The following MAP3K13 variants were observed in gnomAD, a reference collection of about 807,000 sequenced individuals.
MAP3K13 encodes mitogen-activated protein kinase kinase kinase 13, also known as leucine zipper-bearing kinase.
A neutral mutation model predicts 104.0 loss-of-function variants in MAP3K13; 52 were observed. The ratio of observed to expected loss-of-function variants is 0.50; its 90% CI spans 0.40 to 0.63. MAP3K13 has a LOEUF of 0.63. MAP3K13 is among the 20% of genes least tolerant of loss of function. The pLI is 0.00. For missense variants in MAP3K13, 914 were observed against 1,218.5 expected (o/e 0.75, Z 3.72); for synonymous variants, 394 against 442.2 (o/e 0.89, Z 1.37).
intron 11 of MAP3K13, among the ~76,000 whole-genome samples, chr3:185,475,695 AC>A (rs1718083053): frequency 6.6e-6 from 1 of 152,150 alleles, no homozygotes. Flanking sequence ...TACTAAAAAT[AC>A]AAAAATTAGC....
At chr3:185,330,046 A>ATTTTTTTTTTTTTTTTTTTT (rs548813356) in intron 2 of MAP3K13, among the ~76,000 whole-genome samples, 2 of 98,276 alleles carry the variant, frequency 2.0e-5, no homozygotes, top group Non-Finnish European at 3.8e-5. Context: ...TGCCTGGCTA[A>ATTTTTTTTTTTTTTTTTTTT]TTTTTTTTTT....
At chr3:185,384,308 C>CTGTGTGTGTGTGTG (rs142627913) in intron 1 of MAP3K13, among the ~76,000 whole-genome samples, 2,028 of 147,528 alleles carry the variant, frequency 0.014, 35 homozygotes, top group African/African-American at 0.042. Flanking sequence ...GTATTCCATT[C>CTGTGTGTGTGTGTG]TGTGTGTGTG....
At chr3:185,368,159 C>A (rs6766118) in intron 1 of MAP3K13, among the ~76,000 whole-genome samples, 74,273 of 151,758 alleles carry the variant, frequency 0.49, 19,997 homozygotes, top group Middle Eastern at 0.63. Flanking sequence ...GACCCTGTCT[C>A]AAAAAATTAA....
intron 1 of MAP3K13, 74 bp from the exon 2 acceptor site, chr3:185,428,423 T>A: frequency 2.1e-6 from 2 of 966,806 alleles, no homozygotes; most frequent in Non-Finnish European, 1.4e-6. Context: ...CAGTTTTTTT[T>A]AATGCAAACA....
chr3:185,333,394 A>G (rs1722353819), intron 2 of MAP3K13, among the ~76,000 whole-genome samples: 1 of 152,244 alleles, frequency 6.6e-6, no homozygotes. Flanking sequence ...GGCAAAAACA[A>G]AAAAGGAAAA....
chr3:185,483,302 T>C lies in MAP3K13; in HGVS notation c.*846T>C, dbSNP rs1378874436. On this transcript the variant is annotated 3_prime_UTR_variant, in exon 14 of 14. Coordinates refer to ENST00000265026, the MANE Select transcript of MAP3K13 (RefSeq NM_004721.5). Reference sequence around the variant, plus strand: ...CCCTTTTTAGTGCTGTCACTGTCATTACCTTGGCAAATGTGCTACCTTGAC... The same window carrying C: ...CCCTTTTTAGTGCTGTCACTGTCATCACCTTGGCAAATGTGCTACCTTGAC... The C allele has an allele frequency of 8.6e-6, 2 of 232,180 alleles. No homozygotes were observed. Among genetic ancestry groups the C allele is most frequent in the Non-Finnish European group, 1.7e-5 (2 of 117,426 alleles). The allele number at this position is 232,180 out of a possible 1,614,324, so 14.4% of individuals were successfully genotyped here. A position where few individuals can be genotyped will look rare whatever the true frequency, so the allele number is the denominator to read the frequency against.
At chr3:185,356,863 CATGTATGTATGTATGTATGTATGT>C (rs72268579) in intron 2 of MAP3K13, among the ~76,000 whole-genome samples, 1 of 149,506 alleles carries the variant, frequency 6.7e-6, no homozygotes, top group African/African-American at 2.5e-5. Flanking sequence ...AGGCAGACTT[CATGTATGTATGTATGTATGTATGT>C]ATGTATGTAT....
intron 1 of MAP3K13, among the ~76,000 whole-genome samples, chr3:185,426,088 T>A (rs1714397499): frequency 6.6e-6 from 1 of 152,016 alleles, no homozygotes; most frequent in African/African-American, 2.4e-5. Flanking sequence ...CTCCTTCTTC[T>A]TCTTCTTCTT....
chr3:185,367,414 G>T (rs1723941955), intron 1 of MAP3K13, among the ~76,000 whole-genome samples: 1 of 152,066 alleles, frequency 6.6e-6, no homozygotes, highest in Non-Finnish European at 1.5e-5. Flanking sequence ...AATCAGGAAA[G>T]AAAATGAGCG....
At chr3:185,417,616 C>A in intron 1 of MAP3K13, 1 of 1,611,808 alleles carries the variant, frequency 6.2e-7, no homozygotes, top group East Asian at 2.2e-5. Context: ...CTTCTTAACA[C>A]CAACAGCAGC....
At chr3:185,401,664 T>C (rs947806858) in intron 1 of MAP3K13, among the ~76,000 whole-genome samples, 29 of 152,250 alleles carry the variant, frequency 1.9e-4, no homozygotes, top group African/African-American at 6.5e-4. Context: ...CAAAGGGCTT[T>C]ATATAAAAAT....
intron 10 of MAP3K13, among the ~76,000 whole-genome samples, chr3:185,472,590 T>A (rs1433739981): frequency 6.6e-6 from 1 of 152,188 alleles, no homozygotes; most frequent in East Asian, 1.9e-4. Flanking sequence ...TCATAAAGCG[T>A]CAATGTTTTC....
chr3:185,461,569 AT>A (rs1279201080), intron 7 of MAP3K13, among the ~76,000 whole-genome samples: 5 of 151,296 alleles, frequency 3.3e-5, no homozygotes, highest in African/African-American at 1.2e-4. Context: ...TATTTTTTTA[AT>A]TTTTTTTCTG....
chr3:185,332,709 A>G (rs1247026676), intron 2 of MAP3K13, among the ~76,000 whole-genome samples: 2 of 152,228 alleles, frequency 1.3e-5, no homozygotes, highest in Non-Finnish European at 2.9e-5. Flanking sequence ...GTGATGTAGT[A>G]TATGGCAGGA....
intron 7 of MAP3K13, among the ~76,000 whole-genome samples, chr3:185,455,727 T>TATATATATGAG (rs1716641633): frequency 6.4e-4 from 7 of 10,862 alleles, no homozygotes; most frequent in Non-Finnish European, 1.7e-3. Context: ...ATATATATGA[T>TATATATATGAG]ATATATATGA....
At chr3:185,289,792 T>G (rs1280841334) in intron 2 of MAP3K13, among the ~76,000 whole-genome samples, 3 of 152,222 alleles carry the variant, frequency 2.0e-5, no homozygotes, top group Non-Finnish European at 4.4e-5. Flanking sequence ...ATAATTTATG[T>G]TTGGTATTTT....
intron 1 of MAP3K13, among the ~76,000 whole-genome samples, chr3:185,389,475 A>G (rs900335389): frequency 6.6e-6 from 1 of 152,156 alleles, no homozygotes. Context: ...GATAGTTGCT[A>G]ATATATATTA....
chr3:185,435,101 T>C (rs1714958548), intron 2 of MAP3K13, among the ~76,000 whole-genome samples: 1 of 151,952 alleles, frequency 6.6e-6, no homozygotes. Flanking sequence ...CCTCCCGGGT[T>C]CAAGCAATTC....
chr3:185,488,020 T>C lies in MAP3K13; in HGVS notation c.*5564T>C, dbSNP rs1438856211. On this transcript the variant is annotated 3_prime_UTR_variant, in exon 14 of 14. Transcript: ENST00000265026. ...CTGCCCTTTTGGACAACAATTCCAA[T>C]TGAAGGAACACCAATCACTGATGGA... 6.6e-6 allele frequency: 1 copy of C among 152,220 alleles called. No homozygotes were observed. The highest frequency in any genetic ancestry group is 2.4e-5 in the African/African-American group (1 of 41,458). The allele number at this position is 152,220 out of a possible 1,614,324, so 9.4% of individuals were successfully genotyped here.
Sources: allele counts gnomAD v4.1 joint callset (sites outside exome capture counted in the v4.1 genomes callset), GRCh38; gene constraint gnomAD v4.1.1; transcripts MANE v1.5; gene names NCBI Gene and HGNC (gene_info 2026-07-23, HGNC 2026-07-21).